The following ANO7 variants were observed in gnomAD, a reference collection of about 807,000 sequenced individuals.
The protein encoded by ANO7 is anoctamin 7.
ANO7 carries 114 observed loss-of-function variants against 115.8 expected under a neutral mutation model. The ratio of observed to expected loss-of-function variants is 0.98; its 90% CI spans 0.85 to 1.15. ANO7 has a LOEUF of 1.15. Ranked by LOEUF, ANO7 falls within the 50% of genes most tolerant of loss-of-function variation. ANO7 has a pLI of 0.00. For synonymous variants in ANO7, 550 were observed against 498.2 expected, an observed-to-expected ratio of 1.10 and a Z score of -1.38; for missense variants, 1,302 against 1,201.2, an observed-to-expected ratio of 1.08 and a Z score of -1.24.
the ANO7 span, chr2:241,236,840 A>G: frequency 6.6e-7 from 1 of 1,520,552 alleles, no homozygotes; most frequent in Non-Finnish European, 9.0e-7. Flanking sequence ...CAGAATGCAT[A>G]TGTCTGTGAG....
At chr2:241,202,328 C>T (rs1395662744) in intron 8 of ANO7, 24 bp downstream of exon 8, 1 of 1,604,264 alleles carries the variant, frequency 6.2e-7, no homozygotes, top group Non-Finnish European at 8.5e-7. Flanking sequence ...CTGGGGGCTC[C>T]AGCCTGGGTA....
At chr2:241,236,994 G>T in the ANO7 span, among the ~76,000 whole-genome samples, 4 of 119,512 alleles carry the variant, frequency 3.3e-5, no homozygotes, top group Non-Finnish European at 7.1e-5. Flanking sequence ...GGGGGGGGGG[G>T]CGGCAATGAA....
chr2:241,204,893 G>A lies in ANO7; in HGVS notation c.918G>A (p.Ala306=), dbSNP rs139761441. 2.7e-3 allele frequency: 4,308 copies of A among 1,613,920 alleles called. 12 individuals are homozygous for A. Among genetic ancestry groups the A allele is most frequent in the Non-Finnish European group, 3.1e-3 (3,693 of 1,179,946 alleles). ...LGFYTGWLLP[A]AVVGTLVFLV... is the part of the protein sequence containing the mutation. ...TTTACACAGGCTGGCTCCTGCCAGC[G>A]GCAGTGGTGGGCACACTGGTGTTCC... Residue 306 remains alanine (A), a synonymous_variant, in exon 10 of 25, where the codon GCG becomes GCA. Transcript: ENST00000674324.
Position 241,217,768 on chromosome 2 carries a change from G to T in ANO7, c.2055G>T (p.Glu685Asp), listed in dbSNP as rs573412130. Residue 685 changes from glutamate to aspartate, a missense_variant, in exon 20 of 25, where the codon GAG (glutamate) becomes GAT (aspartate). Physicochemically the swap from Glu to Asp is conservative, Grantham distance 45 (BLOSUM62 2). Coordinates refer to ENST00000674324, the MANE Select transcript of ANO7 (RefSeq NM_001370694.2). ...PLFALLNNWV[E>D]IRLDARKFVC... Reference sequence around the variant, plus strand: ...TCGCCCTGCTCAACAACTGGGTGGAGATCCGCTTGGACGCGCGCAAGTTCG... The same window carrying T: ...TCGCCCTGCTCAACAACTGGGTGGATATCCGCTTGGACGCGCGCAAGTTCG... The T allele has an allele frequency of 5.0e-6, 8 of 1,609,218 alleles. No homozygotes were observed. The African/African-American group carries it at 6.7e-5, about 13-fold the overall frequency.
At chr2:241,223,313 A>T in intron 22 of ANO7, 37 bp downstream of exon 22, 1 of 1,608,958 alleles carries the variant, frequency 6.2e-7, no homozygotes, top group African/African-American at 1.3e-5. Context: ...CATCCATGGC[A>T]TGAGGCCCCG....
At position 241,224,419 on chromosome 2, in the gene ANO7, A is replaced by G. The variant is rs2069108505; in HGVS notation, c.*266A>G. On this transcript the variant is annotated 3_prime_UTR_variant, in exon 25 of 25. Coordinates refer to ENST00000674324, the MANE Select transcript of ANO7 (RefSeq NM_001370694.2). ...AGACATAAGCCCAAGGGGCCCCTGC[A>G]CCCAAGGGACCCTGTCCCTCGGTGG... 1.0e-5 allele frequency: 5 copies of G among 488,320 alleles called. No homozygotes were observed. Among genetic ancestry groups the G allele is most frequent in the Admixed American group, 3.5e-5 (1 of 28,416 alleles). 30.2% of individuals were successfully genotyped at this position (488,320 alleles called of 1,614,324 possible). A position where few individuals can be genotyped will look rare whatever the true frequency, so the allele number is the denominator to read the frequency against.
intron 17 of ANO7, chr2:241,212,861 A>C (rs1171344297): frequency 1.9e-6 from 1 of 517,014 alleles, no homozygotes; most frequent in Admixed American, 3.3e-5. Context: ...GGCCGGGCAC[A>C]GTGGCTCACG....
chr2:241,200,164 G>T lies in ANO7; in HGVS notation c.493G>T (p.Val165Phe). The change falls in exon 6 of 25, where the codon GTT becomes TTT. Residue 165 changes from valine to phenylalanine, a missense_variant. Coordinates refer to ENST00000674324, the MANE Select transcript of ANO7 (RefSeq NM_001370694.2). ...GGGCATCCCCAACGTCCTGCTGGAG[G>T]TTGTGCCAGACGTACCCCCCGAGTA... ...WLGIPNVLLEVVPDVPPEYYS... is the reference protein window; with the variant it reads ...WLGIPNVLLEFVPDVPPEYYS... The T allele has an allele frequency of 6.2e-7, 1 of 1,613,232 alleles. No individual in the cohort carries two copies. Among genetic ancestry groups the T allele is most frequent in the South Asian group, 1.1e-5 (1 of 91,076 alleles).
the ANO7 span, chr2:241,235,362 A>G: frequency 2.0e-6 from 3 of 1,538,054 alleles, no homozygotes; most frequent in Non-Finnish European, 2.7e-6. Context: ...CCCGCCGTGA[A>G]GGGAAGTCAG....
chr2:241,230,260 G>A, downstream of ANO7: 6 of 1,586,612 alleles, frequency 3.8e-6, no homozygotes, highest in Non-Finnish European at 4.3e-6. The surrounding 1 kb of genome is among the most constrained non-coding windows in gnomAD (Gnocchi z 5.0). Flanking sequence ...TGTGGGAAGC[G>A]AATGTCCACC....
chr2:241,210,639 C>G, intron 15 of ANO7, 69 bp downstream of exon 15: 1 of 1,286,240 alleles, frequency 7.8e-7, no homozygotes, highest in Non-Finnish European at 1.1e-6. Flanking sequence ...CAGAACGTGA[C>G]TTTCTCACTC....
At chr2:241,229,445 C>T (rs2069452037), downstream of ANO7, 3 of 608,316 alleles carry the variant, frequency 4.9e-6, no homozygotes, top group South Asian at 5.8e-5. Context: ...AGCGGCCGCA[C>T]ACACAGCCAG....
chr2:241,217,156 G>A (rs191428907), intron 19 of ANO7, among the ~76,000 whole-genome samples: 27 of 152,312 alleles, frequency 1.8e-4, no homozygotes, highest in Admixed American at 7.2e-4. Context: ...CCTAGCAAGC[G>A]GGCATGTGAG....
intron 2 of ANO7, among the ~76,000 whole-genome samples, chr2:241,190,687 C>T (rs888336302): frequency 2.0e-5 from 3 of 152,212 alleles, no homozygotes; most frequent in Admixed American, 1.3e-4. Flanking sequence ...CGGGTGGACA[C>T]GGGACCCCTT....
At chr2:241,210,203 TG>T in intron 13 of ANO7, 91 bp from the exon 14 acceptor site, 1 of 1,255,806 alleles carries the variant, frequency 8.0e-7, no homozygotes, top group Non-Finnish European at 1.2e-6. Context: ...GGGCCAGCAG[TG>T]GACTAGAAGA....
At chr2:241,239,923 A>G in the ANO7 span, 1 of 1,614,176 alleles carries the variant, frequency 6.2e-7, no homozygotes, top group Non-Finnish European at 8.5e-7. The surrounding 1 kb of genome is among the most constrained non-coding windows in gnomAD (Gnocchi z 4.6). Flanking sequence ...CAAGGCCTCC[A>G]GCTCCTTCTG....
At chr2:241,191,279 A>C in intron 3 of ANO7, 28 bp downstream of exon 3, 1 of 1,611,920 alleles carries the variant, frequency 6.2e-7, no homozygotes, top group Non-Finnish European at 8.5e-7. Flanking sequence ...CCTGTACCAC[A>C]CCCGTGTTGG....
In ANO7 at chr2:241,217,785, G is replaced by T. The variant is rs144973313; in HGVS notation, c.2072G>T (p.Arg691Leu). 834 of 1,609,912 alleles carry T rather than the reference G, an allele frequency of 5.2e-4. 2 individuals carry two copies. The highest frequency in any genetic ancestry group is 1.8e-3 in the Middle Eastern group (11 of 6,046). The change falls in exon 20 of 25, where the codon CGC becomes CTC. Residue 691 changes from arginine (R) to leucine (L), a missense_variant. By Grantham distance (102) the Arg-to-Leu change is moderately radical. Transcript: ENST00000674324. ...NNWVEIRLDA[R>L]KFVCEYRRPV... ...TGGGTGGAGATCCGCTTGGACGCGC[G>T]CAAGTTCGTCTGCGAGTACCGGCGC...
chr2:241,196,017 T>A, intron 4 of ANO7, 172 bp downstream of exon 4: 1 of 1,484,314 alleles, frequency 6.7e-7, no homozygotes, highest in South Asian at 1.3e-5. Context: ...GCTAGGGAGC[T>A]GCTGTCCAGA....
Sources: gnomAD v4.1 joint callset for allele counts (sites outside exome capture counted in the v4.1 genomes callset) on GRCh38, gnomAD v4.1.1 for gene constraint, Gnocchi (gnomAD v3.1) non-coding constraint, MANE v1.5 for transcripts, NCBI Gene and HGNC (gene_info 2026-07-23, HGNC 2026-07-21) for gene names.